XKR3: variants seen among roughly 807,000 people sequenced by gnomAD.
XKR3 encodes XK related 3, also known as XK-related protein 3.
A neutral mutation model predicts 40.3 loss-of-function variants in XKR3; 27 were observed. That is an observed-to-expected ratio of 0.67 (90% CI 0.49 to 0.92). The LOEUF (loss-of-function observed/expected upper bound fraction) is 0.92. XKR3 is among the 40% of genes least tolerant of loss of function. XKR3 has a pLI of 0.00. For synonymous variants in XKR3, 193 were observed against 195.4 expected, an observed-to-expected ratio of 0.99 and a Z score of 0.10; for missense variants, 472 against 537.6, an observed-to-expected ratio of 0.88 and a Z score of 1.21.
chr22:16,801,686 C>CA (rs71688132), intron 2 of XKR3, among the ~76,000 whole-genome samples: 1,833 of 121,876 alleles, frequency 0.015, 12 homozygotes, highest in Middle Eastern at 0.028. Context: ...AAGCTATCAG[C>CA]AAAAAAAAAA....
intron 1 of XKR3, among the ~76,000 whole-genome samples, chr22:16,814,181 A>G (rs2060224034): frequency 1.3e-5 from 2 of 152,178 alleles, no homozygotes; most frequent in East Asian, 3.8e-4. Flanking sequence ...TCCTGAATTT[A>G]GGTTTTTGAT....
At chr22:16,797,796 A>C (rs1010829356) in intron 3 of XKR3, among the ~76,000 whole-genome samples, 60 of 151,244 alleles carry the variant, frequency 4.0e-4, no homozygotes, top group African/African-American at 1.3e-3. Flanking sequence ...CTGTCTCAAA[A>C]AAAAAAAAAA....
chr22:16,788,623 T>C (rs1601839200), intron 3 of XKR3, among the ~76,000 whole-genome samples: 1 of 152,162 alleles, frequency 6.6e-6, no homozygotes, highest in Non-Finnish European at 1.5e-5. Context: ...ATATGTGAAC[T>C]GTTCCAGTTC....
intron 1 of XKR3, among the ~76,000 whole-genome samples, chr22:16,813,162 T>C (rs2060219627): frequency 6.6e-6 from 1 of 152,032 alleles, no homozygotes; most frequent in Non-Finnish European, 1.5e-5. Context: ...CAGGTGCCTG[T>C]AGTCCCAGCT....
chr22:16,800,369 G>A (rs528121895), intron 2 of XKR3, among the ~76,000 whole-genome samples: 1 of 152,096 alleles, frequency 6.6e-6, no homozygotes, highest in African/African-American at 2.4e-5. Context: ...TTTTTCTAAT[G>A]CGTTAATATT....
chr22:16,809,022 A>G (rs2060202325), intron 1 of XKR3, among the ~76,000 whole-genome samples: 1 of 152,196 alleles, frequency 6.6e-6, no homozygotes, highest in South Asian at 2.1e-4. Context: ...TTTTAAAAAC[A>G]TATTAATGGG....
chr22:16,805,806 C>T (rs2060187107), intron 2 of XKR3, among the ~76,000 whole-genome samples: 1 of 152,138 alleles, frequency 6.6e-6, no homozygotes, highest in East Asian at 1.9e-4. Flanking sequence ...AGCTGATTTT[C>T]AACAAGGCTG....
rs774668365 is a variant in XKR3 at position 16,807,711 on chromosome 22, G to A, written c.335+28C>T. 1.8e-5 allele frequency: 27 copies of A among 1,522,718 alleles called. No homozygotes were observed. The Admixed American group carries it at 5.1e-4, about 29-fold the overall frequency. 94.3% of individuals were successfully genotyped at this position (1,522,718 alleles called of 1,614,324 possible). ...ATATTCAATTTACTTGTTGGAGGCAGTGAATGAGAAATATTTGTGTCACTT... is the reference window on the plus strand; with the variant it reads ...ATATTCAATTTACTTGTTGGAGGCAATGAATGAGAAATATTTGTGTCACTT... On this transcript the variant is annotated intron_variant, in intron 2 of 3. Transcript: ENST00000684488.
At chr22:16,816,142 A>C (rs1421886482) in intron 1 of XKR3, among the ~76,000 whole-genome samples, 2 of 151,924 alleles carry the variant, frequency 1.3e-5, no homozygotes, top group African/African-American at 4.8e-5. Flanking sequence ...CATAATTTGG[A>C]AGCATTTACA....
chr22:16,787,814 T>C (rs2060097121), intron 3 of XKR3, among the ~76,000 whole-genome samples: 1 of 151,888 alleles, frequency 6.6e-6, no homozygotes, highest in Admixed American at 6.6e-5. Context: ...ATCAGGAATA[T>C]ACATATATAT....
At chr22:16,785,829 C>T (rs1240380846) in intron 3 of XKR3, among the ~76,000 whole-genome samples, 2 of 152,148 alleles carry the variant, frequency 1.3e-5, no homozygotes, top group African/African-American at 4.8e-5. Flanking sequence ...GCCTGGGCGA[C>T]AGAGCGAGAC....
chr22:16,820,274 A>G (rs965519781), intron 1 of XKR3, among the ~76,000 whole-genome samples: 1 of 152,208 alleles, frequency 6.6e-6, no homozygotes, highest in African/African-American at 2.4e-5. Flanking sequence ...AAGCTGTGGT[A>G]CATTTATACC....
chr22:16,784,032 A>C lies in XKR3; in HGVS notation c.967T>G (p.Ser323Ala). The change falls in exon 4 of 4, where the codon TCA (serine) becomes GCA (alanine). Residue 323 changes from serine to alanine, a missense_variant. Ser to Ala is a moderately conservative substitution (Grantham distance 99, BLOSUM62 1). Transcript: ENST00000684488. ...LYAAINFSCW[S>A]AVKLQLSDDK... Reference sequence around the variant, plus strand: ...TCTGACAACTGCAGTTTCACTGCTGACCAGCAGGAGAAGTTGATGGCAGCA... The same window carrying C: ...TCTGACAACTGCAGTTTCACTGCTGCCCAGCAGGAGAAGTTGATGGCAGCA... The C allele has an allele frequency of 6.2e-7, 1 of 1,614,240 alleles. No homozygotes were observed. The highest frequency in any genetic ancestry group is 8.5e-7 in the Non-Finnish European group (1 of 1,180,040).
At chr22:16,807,527 C>T (rs1213935913) in intron 2 of XKR3, among the ~76,000 whole-genome samples, 4 of 152,134 alleles carry the variant, frequency 2.6e-5, no homozygotes, top group African/African-American at 7.2e-5. Flanking sequence ...CTGACTCATT[C>T]CCATTTGCAT....
At chr22:16,816,488 T>C (rs2060234189) in intron 1 of XKR3, among the ~76,000 whole-genome samples, 1 of 151,828 alleles carries the variant, frequency 6.6e-6, no homozygotes. Flanking sequence ...TTCCTAAAAA[T>C]GTAAAATGTA....
intron 2 of XKR3, among the ~76,000 whole-genome samples, chr22:16,806,872 A>G (rs1379006213): frequency 6.6e-6 from 1 of 152,214 alleles, no homozygotes; most frequent in East Asian, 1.9e-4. Flanking sequence ...AACTTCAATA[A>G]AGAAAACACA....
intron 3 of XKR3, among the ~76,000 whole-genome samples, chr22:16,796,908 T>C (rs1376386186): frequency 6.6e-6 from 1 of 152,174 alleles, no homozygotes; most frequent in East Asian, 1.9e-4. Flanking sequence ...TTACACTACC[T>C]GACTTCAAAC....
chr22:16,786,024 A>T (rs2060089082), intron 3 of XKR3, among the ~76,000 whole-genome samples: 1 of 152,206 alleles, frequency 6.6e-6, no homozygotes, highest in East Asian at 1.9e-4. Flanking sequence ...TCCTTAAGGA[A>T]TACTCAAAGT....
rs2060095211 is a variant in XKR3, at chr22:16,787,415, C to A, written c.590-3006G>T. On this transcript the variant is annotated intron_variant, in intron 3 of 3. Coordinates refer to ENST00000684488, the MANE Select transcript of XKR3 (RefSeq NM_001386955.1). Reference sequence around the variant, plus strand: ...CTCTACTAAAAATACAAAAATTAGTCAGGTGTGGTTGGTGGACGCCTGTAA... The same window carrying A: ...CTCTACTAAAAATACAAAAATTAGTAAGGTGTGGTTGGTGGACGCCTGTAA... 1.3e-5 allele frequency among the ~76,000 whole-genome samples: 2 copies of A among 151,738 alleles called. 1 individual carries two copies. Among genetic ancestry groups the A allele is most frequent in the Admixed American group, 1.3e-4 (2 of 15,204 alleles).
Sources: allele counts gnomAD v4.1 joint callset (sites outside exome capture counted in the v4.1 genomes callset), GRCh38; gene constraint gnomAD v4.1.1; transcripts MANE v1.5; gene names NCBI Gene and HGNC (gene_info 2026-07-23, HGNC 2026-07-21).